The following LRRC49 variants were observed in gnomAD, a reference collection of about 807,000 sequenced individuals.
The protein encoded by LRRC49 is leucine-rich repeat-containing protein 49.
In LRRC49, 50 loss-of-function variants were observed where a neutral mutation model predicts 83.3. That is an observed-to-expected ratio of 0.60 (90% CI 0.48 to 0.76). The LOEUF is 0.76. Ranked by LOEUF, LRRC49 falls within the 30% of genes least tolerant of loss-of-function variation. The pLI, the probability that LRRC49 is intolerant of heterozygous loss-of-function variation, is 0.00. For synonymous variants in LRRC49, 286 were observed against 283.3 expected, an observed-to-expected ratio of 1.01 and a Z score of -0.10; for missense variants, 704 against 809.1, an observed-to-expected ratio of 0.87 and a Z score of 1.58.
intron 14 of LRRC49, among the ~76,000 whole-genome samples, chr15:71,021,131 A>T (rs1412600050): frequency 6.6e-6 from 1 of 152,242 alleles, no homozygotes; most frequent in Non-Finnish European, 1.5e-5. Context: ...CCTGGATCCC[A>T]TGTAGTGGCC....
intron 1 of LRRC49, among the ~76,000 whole-genome samples, chr15:70,856,062 C>T (rs1454860274): frequency 6.6e-6 from 1 of 152,110 alleles, no homozygotes; most frequent in Non-Finnish European, 1.5e-5. Context: ...AATGATGGCT[C>T]ACATTCATCT....
intron 15 of LRRC49, among the ~76,000 whole-genome samples, chr15:71,046,788 G>A (rs1019756338): frequency 6.6e-6 from 1 of 151,822 alleles, no homozygotes; most frequent in Admixed American, 6.6e-5. Flanking sequence ...CCAATATCAA[G>A]AAGAGTCTTC....
At chr15:70,963,511 AG>A (rs1224115502) in intron 8 of LRRC49, among the ~76,000 whole-genome samples, 1 of 152,114 alleles carries the variant, frequency 6.6e-6, no homozygotes, top group Non-Finnish European at 1.5e-5. Flanking sequence ...GAACAGAAAA[AG>A]GACATTAGGT....
intron 15 of LRRC49, among the ~76,000 whole-genome samples, chr15:71,040,341 A>G (rs900285518): frequency 6.6e-6 from 1 of 152,172 alleles, no homozygotes; most frequent in Non-Finnish European, 1.5e-5. Context: ...CCCAGTATCC[A>G]TACCTTATAT....
intron 7 of LRRC49, among the ~76,000 whole-genome samples, chr15:70,920,711 C>A (rs558436240): frequency 4.6e-5 from 7 of 152,240 alleles, no homozygotes; most frequent in African/African-American, 1.7e-4. Flanking sequence ...GTTTAGGCAG[C>A]AGTAAACAAC....
chr15:70,962,394 A>G (rs2036633123), intron 8 of LRRC49, among the ~76,000 whole-genome samples: 1 of 152,136 alleles, frequency 6.6e-6, no homozygotes, highest in Non-Finnish European at 1.5e-5. Flanking sequence ...ACACACATAT[A>G]TTTTCTTGCT....
At chr15:71,011,537 A>G (rs571065640) in intron 13 of LRRC49, among the ~76,000 whole-genome samples, 1 of 152,286 alleles carries the variant, frequency 6.6e-6, no homozygotes, top group Admixed American at 6.5e-5. Flanking sequence ...TAAAATACCT[A>G]AAATATATTC....
chr15:70,988,878 T>G (rs2037744379), intron 11 of LRRC49, among the ~76,000 whole-genome samples: 1 of 152,206 alleles, frequency 6.6e-6, no homozygotes, highest in South Asian at 2.1e-4. Flanking sequence ...AAGTATTTTA[T>G]TTCTCCTTCA....
At chr15:70,916,386 C>T (rs2034773999) in intron 6 of LRRC49, among the ~76,000 whole-genome samples, 1 of 152,260 alleles carries the variant, frequency 6.6e-6, no homozygotes, top group East Asian at 1.9e-4. Context: ...CCTCTGCCTC[C>T]TGGGTTCAAG....
Position 70,984,206 on chromosome 15 carries a change from A to G in LRRC49, c.1118A>G (p.Asp373Gly), listed in dbSNP as rs756012460. The G allele has an allele frequency of 6.2e-7, 1 of 1,613,284 alleles. No homozygotes were observed. ...AGAAAAGATTCTGACTCTCCTCAGGACCCCTGTCAGATTGATGGAAGCACC... is the reference window on the plus strand; with the variant it reads ...AGAAAAGATTCTGACTCTCCTCAGGGCCCCTGTCAGATTGATGGAAGCACC... ...EDRKDSDSPQ[D>G]PCQIDGSTLS... The change falls in exon 11 of 16, where the codon GAC becomes GGC. Residue 373 changes from aspartate (D) to glycine (G), a missense_variant. By Grantham distance (94) the Asp-to-Gly change is moderately conservative. This residue lies in a region of LRRC49 where 168 missense variants were observed against 140.6 expected (regional missense o/e 1.20). Transcript: ENST00000260382.
chr15:70,932,954 T>C (rs1406185196), intron 7 of LRRC49, among the ~76,000 whole-genome samples: 2 of 152,048 alleles, frequency 1.3e-5, no homozygotes, highest in Non-Finnish European at 2.9e-5. Flanking sequence ...GGTCTCGAAC[T>C]CCTGATCTCA....
intron 14 of LRRC49, 151 bp downstream of exon 14, chr15:71,013,064 A>G (rs2038709870): frequency 8.6e-6 from 5 of 584,764 alleles, no homozygotes; most frequent in Admixed American, 6.4e-5. Context: ...CTTAAGATAA[A>G]TAAGATGAAG....
upstream of LRRC49, among the ~76,000 whole-genome samples, chr15:70,889,494 TTA>T (rs1218934249): frequency 1.3e-5 from 2 of 152,258 alleles, no homozygotes; most frequent in East Asian, 3.9e-4. Context: ...CATGTTCAGT[TTA>T]TGATAATTTA....
intron 7 of LRRC49, 187 bp from the exon 8 acceptor site, chr15:70,936,574 G>C (rs1272380081): frequency 1.3e-5 from 7 of 544,672 alleles, no homozygotes; most frequent in Non-Finnish European, 2.0e-5. Context: ...TTGTTCTGCG[G>C]ATGTACTGAA....
At chr15:70,882,778 G>A in intron 2 of LRRC49, 1 of 1,614,066 alleles carries the variant, frequency 6.2e-7, no homozygotes, top group South Asian at 1.1e-5. Flanking sequence ...ACGGTGACGG[G>A]GCCTTTTCAA....
intron 2 of LRRC49, chr15:70,873,244 G>C: frequency 6.5e-7 from 1 of 1,535,612 alleles, no homozygotes; most frequent in Non-Finnish European, 8.7e-7. Context: ...ACTTTCAGTT[G>C]ACATAATTTT....
intron 15 of LRRC49, among the ~76,000 whole-genome samples, chr15:71,039,055 A>G (rs1353420280): frequency 6.6e-6 from 1 of 152,204 alleles, no homozygotes; most frequent in African/African-American, 2.4e-5. Flanking sequence ...GGGTTTTAGA[A>G]AAAATGATGG....
At chr15:71,040,120 G>T (rs1299013051) in intron 15 of LRRC49, among the ~76,000 whole-genome samples, 1 of 152,106 alleles carries the variant, frequency 6.6e-6, no homozygotes, top group Non-Finnish European at 1.5e-5. Flanking sequence ...CAATATTAGT[G>T]AATTAATAGA....
chr15:70,955,223 G>A (rs1292389723), intron 8 of LRRC49, among the ~76,000 whole-genome samples: 4 of 152,122 alleles, frequency 2.6e-5, no homozygotes, highest in African/African-American at 9.7e-5. Context: ...TTATTTTAGA[G>A]TGTATTCTTA....
Sources: allele counts gnomAD v4.1 joint callset (sites outside exome capture counted in the v4.1 genomes callset), GRCh38; gene constraint gnomAD v4.1.1; regional missense constraint gnomAD v4.1.1; transcripts MANE v1.5; gene names NCBI Gene and HGNC (gene_info 2026-07-23, HGNC 2026-07-21).